The following AGBL2 variants were observed in gnomAD, a reference collection of about 807,000 sequenced individuals.
The protein encoded by AGBL2 is cytosolic carboxypeptidase 2.
In AGBL2, 87 loss-of-function variants were observed where a neutral mutation model predicts 103.0. The observed-to-expected ratio is 0.84, with a 90% CI of 0.71 to 1.01. The LOEUF (loss-of-function observed/expected upper bound fraction) is 1.01. AGBL2 is among the 50% of genes least tolerant of loss of function. The probability of loss-of-function intolerance (pLI) is 0.00; values close to 1 mark genes in which losing one functional copy is unlikely to be tolerated. For synonymous variants in AGBL2, 335 were observed against 356.7 expected (o/e 0.94, Z 0.69); for missense variants, 904 against 1,023.5 (o/e 0.88, Z 1.59).
chr11:47,714,196 G>C, intron 3 of AGBL2, 88 bp downstream of exon 3: 1 of 919,828 alleles, frequency 1.1e-6, no homozygotes, highest in South Asian at 1.4e-5. Context: ...TTATTTATTA[G>C]TCTACCCAAG....
chr11:47,691,961 T>C (rs1289643756), intron 9 of AGBL2, 142 bp downstream of exon 9: 8 of 683,176 alleles, frequency 1.2e-5, no homozygotes, highest in Non-Finnish European at 1.8e-5. Context: ...AAATGAGTAA[T>C]AATTACTCCA....
At chr11:47,681,725 T>C (rs2097402084) in intron 12 of AGBL2, among the ~76,000 whole-genome samples, 1 of 152,254 alleles carries the variant, frequency 6.6e-6, no homozygotes, top group Non-Finnish European at 1.5e-5. Context: ...CCCAAAGTGC[T>C]GGGATTACAG....
In AGBL2 at chr11:47,713,389, G is replaced by A. The variant is rs569261029; in HGVS notation, c.97+895C>T. On this transcript the variant is annotated intron_variant, in intron 3 of 18. Transcript: ENST00000525123. ...AAGAAACAAAAATTACCCAGGCGTGGTGGCTCGTGCCTGTAATCCCAGCTA... is the reference window on the plus strand; with the variant it reads ...AAGAAACAAAAATTACCCAGGCGTGATGGCTCGTGCCTGTAATCCCAGCTA... Among the ~76,000 whole-genome samples the A allele has an allele frequency of 5.4e-5, 8 of 147,834 alleles. No individual in the cohort carries two copies. The South Asian group carries it at 1.7e-3, about 32-fold the overall frequency.
intron 8 of AGBL2, among the ~76,000 whole-genome samples, chr11:47,692,890 T>G (rs1216101142): frequency 6.6e-6 from 1 of 151,424 alleles, no homozygotes; most frequent in East Asian, 2.0e-4. Context: ...TGAATCACAG[T>G]TCACTGCAGC....
At chr11:47,661,103 C>T (rs1380103241) in intron 18 of AGBL2, among the ~76,000 whole-genome samples, 3 of 151,912 alleles carry the variant, frequency 2.0e-5, no homozygotes, top group Non-Finnish European at 2.9e-5. Flanking sequence ...GCAGAGGTTG[C>T]AGTGAGCCAA....
chr11:47,688,429 C>T (rs1565048716), intron 10 of AGBL2, among the ~76,000 whole-genome samples: 2 of 152,104 alleles, frequency 1.3e-5, no homozygotes, highest in Non-Finnish European at 2.9e-5. Context: ...CCAAAGAAAG[C>T]CTTGATTCCT....
intron 3 of AGBL2, chr11:47,710,990 G>T: frequency 1.9e-5 from 7 of 376,180 alleles, no homozygotes; most frequent in South Asian, 1.4e-4. Context: ...ATTCAACATA[G>T]AAAGGGTTCC....
chr11:47,709,647 G>A lies in AGBL2; in HGVS notation c.232+730C>T, dbSNP rs2097531421. The stretch of plus-strand genomic sequence containing the variant: ...CTGTTGCCCAGGCTGGAATGCAGTG[G>A]CGCAATCTCAGCTCACCGCAACTTC... On this transcript the variant is annotated intron_variant, in intron 4 of 18. Transcript: ENST00000525123. Among the ~76,000 whole-genome samples the A allele has an allele frequency of 4.0e-5, 6 of 151,316 alleles. 1 individual carries two copies. The South Asian group carries it at 1.2e-3, about 32-fold the overall frequency.
At chr11:47,682,496 C>A (rs1412467189) in intron 11 of AGBL2, among the ~76,000 whole-genome samples, 1 of 152,164 alleles carries the variant, frequency 6.6e-6, no homozygotes, top group Non-Finnish European at 1.5e-5. Flanking sequence ...CCTAGAACAT[C>A]CGTTTGGCAT....
At chr11:47,695,449 T>C (rs1403059564) in intron 8 of AGBL2, among the ~76,000 whole-genome samples, 5 of 121,288 alleles carry the variant, frequency 4.1e-5, no homozygotes, top group African/African-American at 1.6e-4. Flanking sequence ...CACTCCAGCC[T>C]GGGCGACGAA....
intron 9 of AGBL2, among the ~76,000 whole-genome samples, chr11:47,691,729 A>AAAAAAAAAAAAAATATATATATATATAT: frequency 2.1e-4 from 1 of 4,856 alleles, no homozygotes; most frequent in African/African-American, 7.2e-4. Context: ...AAAAAAAAAA[A>AAAAAAAAAAAAAATATATATATATATAT]ATATATATAT....
Position 47,667,708 on chromosome 11 carries a change from A to C in AGBL2, c.2215-12T>G, listed in dbSNP as rs760554344. 8 of 1,608,184 alleles carry C rather than the reference A, an allele frequency of 5.0e-6. No individual in the cohort carries two copies. Among genetic ancestry groups the C allele is most frequent in the Non-Finnish European group, 6.8e-6 (8 of 1,179,156 alleles). On this transcript the variant is annotated splice_polypyrimidine_tract_variant and intron_variant, in intron 15 of 18. Transcript: ENST00000525123. ...TTTTTCTGAGTCAGCTATTCCAGAA[A>C]GTAGAGAAACTGGTCATTGAAGATT...
intron 15 of AGBL2, 148 bp from the exon 16 acceptor site, chr11:47,667,844 A>G: frequency 2.3e-6 from 2 of 870,394 alleles, no homozygotes. Flanking sequence ...CAAACAGTTC[A>G]GTTCCCTCCT....
chr11:47,691,729 A>AAAAAAAAATATATATATATATATAT, intron 9 of AGBL2, among the ~76,000 whole-genome samples: 2 of 4,854 alleles, frequency 4.1e-4, no homozygotes, highest in African/African-American at 1.4e-3. Flanking sequence ...AAAAAAAAAA[A>AAAAAAAAATATATATATATATATAT]ATATATATAT....
At chr11:47,674,537 A>C (rs1024218630) in intron 14 of AGBL2, among the ~76,000 whole-genome samples, 1 of 142,804 alleles carries the variant, frequency 7.0e-6, no homozygotes, top group Admixed American at 7.3e-5. Context: ...ACTGCACTCC[A>C]GCCTGGGTGA....
intron 12 of AGBL2, among the ~76,000 whole-genome samples, chr11:47,680,786 G>GAAACAAAACAAAAGA (rs1554953931): frequency 1.3e-4 from 19 of 147,494 alleles, no homozygotes; most frequent in Non-Finnish European, 1.0e-4. Flanking sequence ...GGGAGACCCT[G>GAAACAAAACAAAAGA]AAACAAAACA....
At chr11:47,670,079 T>C (rs1013418221) in intron 14 of AGBL2, among the ~76,000 whole-genome samples, 10 of 152,236 alleles carry the variant, frequency 6.6e-5, no homozygotes, top group Admixed American at 2.6e-4. Context: ...TGGGCAGAAT[T>C]GCCCTTGGTG....
chr11:47,677,425 A>AT, intron 13 of AGBL2, 24 bp from the exon 14 acceptor site: 2 of 1,406,820 alleles, frequency 1.4e-6, no homozygotes, highest in Non-Finnish European at 1.9e-6. Context: ...AAAAAGAACT[A>AT]TTTTGTTAAT....
At position 47,663,077 on chromosome 11, in the gene AGBL2, C is replaced by T; in HGVS notation, c.2484G>A (p.Leu828=). ...NLNRRDKDTP[L]DPSMATLILP... Reference sequence around the variant, plus strand: ...GAATCAGGGTGGCCATTGATGGGTCCAGGGGGGTGTCTTTGTCTCTTCTAT... The same window carrying T: ...GAATCAGGGTGGCCATTGATGGGTCTAGGGGGGTGTCTTTGTCTCTTCTAT... The change falls in exon 18 of 19, where the codon CTG becomes CTA. Residue 828 remains leucine (L), a synonymous_variant. Transcript: ENST00000525123. 4 of 1,598,370 alleles carry T rather than the reference C, an allele frequency of 2.5e-6. No individual in the cohort carries two copies. Among genetic ancestry groups the T allele is most frequent in the Non-Finnish European group, 2.5e-6 (3 of 1,176,790 alleles).
Sources: gnomAD v4.1 joint callset for allele counts (sites outside exome capture counted in the v4.1 genomes callset) on GRCh38, gnomAD v4.1.1 for gene constraint, MANE v1.5 for transcripts, NCBI Gene and HGNC (gene_info 2026-07-23, HGNC 2026-07-21) for gene names.